Variants in SH2B2 observed in about 807,000 individuals in gnomAD.
SH2B2 encodes the protein SH2B adaptor protein 2.
A neutral mutation model predicts 35.7 loss-of-function variants in SH2B2; 37 were observed. That is an observed-to-expected ratio of 1.04 (90% CI 0.80 to 1.36). SH2B2 has a LOEUF of 1.36. Among genes scored for constraint, SH2B2 ranks in the 40% most tolerant of loss-of-function variants. The pLI is 0.00. For synonymous variants in SH2B2, 383 were observed against 376.4 expected (o/e 1.02, Z -0.20); for missense variants, 852 against 817.7 (o/e 1.04, Z -0.51).
chr7:102,310,829 A>G (rs1182327405), intron 4 of SH2B2, among the ~76,000 whole-genome samples: 2 of 152,164 alleles, frequency 1.3e-5, no homozygotes, highest in African/African-American at 4.8e-5. Flanking sequence ...TCGAGCTGGC[A>G]GGGTCCCAGA....
intron 2 of SH2B2, among the ~76,000 whole-genome samples, chr7:102,305,844 T>C (rs2960266): frequency 0.68 from 102,872 of 150,446 alleles, 35,515 homozygotes; most frequent in African/African-American, 0.8. Context: ...ATTCTGGTTC[T>C]GTCCTGGACT....
intron 1 of SH2B2, among the ~76,000 whole-genome samples, chr7:102,288,667 T>A (rs1222457373): frequency 6.6e-6 from 1 of 152,176 alleles, no homozygotes; most frequent in Non-Finnish European, 1.5e-5. Context: ...CAAGTGATCC[T>A]GGGCCTCCCA....
intron 1 of SH2B2, among the ~76,000 whole-genome samples, chr7:102,296,417 G>A (rs1792916386): frequency 6.6e-6 from 1 of 152,188 alleles, no homozygotes; most frequent in Non-Finnish European, 1.5e-5. Context: ...AAGGATGGTC[G>A]CTTGTCCCCC....
Position 102,321,592 on chromosome 7 carries a change from C to G in SH2B2, c.1861C>G (p.Arg621Gly), listed in dbSNP as rs1563573613. 8.7e-7 allele frequency: 1 copy of G among 1,145,524 alleles called. No individual in the cohort carries two copies. The highest frequency in any genetic ancestry group is 1.1e-6 in the Non-Finnish European group (1 of 933,518). 71.0% of individuals were successfully genotyped at this position (1,145,524 alleles called of 1,614,324 possible). A position where few individuals can be genotyped will look rare whatever the true frequency, so the allele number is the denominator to read the frequency against. ...GGAGCCCCCGGAGGCCGCGCCCGGCCGCGCGCGCGCCGTGGAGAACCAGTA... is the reference window on the plus strand; with the variant it reads ...GGAGCCCCCGGAGGCCGCGCCCGGCGGCGCGCGCGCCGTGGAGAACCAGTA... ...AEEPPEAAPG[R>G]ARAVENQYSF... is the part of the protein sequence containing the mutation. The change falls in exon 9 of 9, where the codon CGC becomes GGC. Residue 621 changes from arginine (R) to glycine (G), a missense_variant. This residue lies in a region of SH2B2 where 556 missense variants were observed against 514.5 expected (regional missense o/e 1.08). Coordinates refer to ENST00000444095, the MANE Select transcript of SH2B2 (RefSeq NM_001359228.2).
intron 1 of SH2B2, among the ~76,000 whole-genome samples, chr7:102,288,463 ATGC>A (rs1554551210): frequency 6.6e-6 from 1 of 152,076 alleles, no homozygotes; most frequent in African/African-American, 2.4e-5. Context: ...CCGGCTTCTG[ATGC>A]TGCTTGGTTG....
At chr7:102,296,117 G>GAC (rs1792904678) in intron 1 of SH2B2, among the ~76,000 whole-genome samples, 1 of 152,184 alleles carries the variant, frequency 6.6e-6, no homozygotes, top group Non-Finnish European at 1.5e-5. Context: ...AGGCTCAGCC[G>GAC]GGAGCCCTGT....
chr7:102,304,816 C>T (rs1462733828), intron 2 of SH2B2, among the ~76,000 whole-genome samples: 1 of 152,264 alleles, frequency 6.6e-6, no homozygotes, highest in Non-Finnish European at 1.5e-5. Context: ...TTAGCCAGGC[C>T]CCGTTCATGC....
Position 102,321,406 on chromosome 7 carries a change from T to G in SH2B2, c.1675T>G (p.Ser559Ala). 1 of 1,360,836 alleles carries G rather than the reference T, an allele frequency of 7.3e-7. No homozygotes were observed. The highest frequency in any genetic ancestry group is 9.5e-7 in the Non-Finnish European group (1 of 1,055,424). The allele number at this position is 1,360,836 out of a possible 1,614,324, so 84.3% of individuals were successfully genotyped here. Residue 559 changes from serine (S) to alanine (A), a missense_variant, in exon 9 of 9, where the codon TCG (serine) becomes GCG (alanine). Physicochemically the swap from Ser to Ala is moderately conservative, Grantham distance 99 (BLOSUM62 1). Transcript: ENST00000444095. Reference protein sequence around the residue: ...SLAAAACPPASPSDAAGASSS... With the variant: ...SLAAAACPPAAPSDAAGASSS... ...CGCCGCGGCCGCCTGCCCGCCTGCC[T>G]CGCCCTCCGACGCCGCCGGCGCCTC...
At chr7:102,316,648 G>A (rs781954679) in intron 6 of SH2B2, among the ~76,000 whole-genome samples, 2 of 151,902 alleles carry the variant, frequency 1.3e-5, no homozygotes, top group Non-Finnish European at 2.9e-5. Context: ...CACTTTGGGA[G>A]GCCAAGGCAG....
At position 102,300,974 on chromosome 7, in the gene SH2B2, C is replaced by G. The variant is rs1554553669; in HGVS notation, c.424C>G (p.Leu142Val). The G allele has an allele frequency of 2.0e-6, 3 of 1,477,388 alleles. No individual in the cohort carries two copies. Among genetic ancestry groups the G allele is most frequent in the Non-Finnish European group, 9.0e-7 (1 of 1,116,372 alleles). The allele number at this position is 1,477,388 out of a possible 1,614,324, so 91.5% of individuals were successfully genotyped here. The change falls in exon 2 of 9, where the codon CTG (leucine) becomes GTG (valine). Residue 142 changes from leucine (L) to valine (V), a missense_variant. This residue lies in a region of SH2B2 where 294 missense variants were observed against 286.6 expected (regional missense o/e 1.03). Transcript: ENST00000444095. ...RKGFSLRNMS[L>V]CVVDGVRDMW... ...GGGCTTCTCGCTGCGCAACATGAGC[C>G]TGTGCGTGGTGGACGGCGTGCGCGA... is the stretch of plus-strand genomic sequence containing the variant.
At chr7:102,315,045 T>C (rs928547091) in intron 6 of SH2B2, among the ~76,000 whole-genome samples, 2 of 151,966 alleles carry the variant, frequency 1.3e-5, no homozygotes, top group African/African-American at 2.4e-5. Context: ...AAAAATTAGC[T>C]GGGTGTGGTG....
chr7:102,300,583 C>T lies in SH2B2; in HGVS notation c.33C>T (p.Ala11=). The change falls in exon 2 of 9, where the codon GCC becomes GCT. Residue 11 remains alanine, a synonymous_variant. Coordinates refer to ENST00000444095, the MANE Select transcript of SH2B2 (RefSeq NM_001359228.2). ...GTGCCGGCCCTGGCCCCGCCGCAGC[C>T]GCCCCGGTCCCAGTCCCGGTCCCGG... MNGAGPGPAA[A]APVPVPVPVP... 3.9e-6 allele frequency: 6 copies of T among 1,549,754 alleles called. No individual in the cohort carries two copies. Among genetic ancestry groups the T allele is most frequent in the Non-Finnish European group, 5.2e-6 (6 of 1,146,470 alleles).
intron 8 of SH2B2, 121 bp downstream of exon 8, chr7:102,320,623 C>G: frequency 7.7e-7 from 1 of 1,295,824 alleles, no homozygotes; most frequent in Non-Finnish European, 1.0e-6. Flanking sequence ...TCAGCCGTGT[C>G]CCTCCCACCC....
At chr7:102,315,622 G>C (rs1554556810) in intron 6 of SH2B2, among the ~76,000 whole-genome samples, 1 of 151,582 alleles carries the variant, frequency 6.6e-6, no homozygotes, top group African/African-American at 2.4e-5. Context: ...TGTGCCTGTA[G>C]TCCCAGCTAC....
intron 1 of SH2B2, 77 bp from the exon 2 acceptor site, chr7:102,300,445 G>A: frequency 6.9e-7 from 1 of 1,450,232 alleles, no homozygotes; most frequent in South Asian, 1.4e-5. Context: ...GAGAGTCCTA[G>A]GGGAGCTGGA....
intron 3 of SH2B2, among the ~76,000 whole-genome samples, chr7:102,307,604 C>T (rs1793454123): frequency 6.6e-6 from 1 of 152,084 alleles, no homozygotes; most frequent in African/African-American, 2.4e-5. Context: ...GACACAGCCC[C>T]TGCCCACCTG....
chr7:102,317,441 G>A (rs782774662), intron 7 of SH2B2, 46 bp downstream of exon 7: 61 of 1,484,502 alleles, frequency 4.1e-5, no homozygotes, highest in Middle Eastern at 2.1e-4. Context: ...CCAGCCCTGA[G>A]GGAGAGGGGT....
rs373360709 is a variant in SH2B2 at position 102,317,271 on chromosome 7, G to C, written c.1271G>C (p.Arg424Pro). 1 of 1,613,548 alleles carries C rather than the reference G, an allele frequency of 6.2e-7. No homozygotes were observed. Among genetic ancestry groups the C allele is most frequent in the South Asian group, 1.1e-5 (1 of 91,036 alleles). The part of the protein sequence containing the change: ...DYPWFHGTLS[R>P]VKAAQLVLAG... ...CCATGGTTCCACGGGACACTGTCCC[G>C]GGTCAAGGCTGCTCAACTGGTTCTG... The change falls in exon 7 of 9, where the codon CGG becomes CCG. Residue 424 changes from arginine (R) to proline (P), a missense_variant. Transcript: ENST00000444095.
upstream of SH2B2, chr7:102,285,346 T>C: frequency 1.1e-6 from 1 of 943,760 alleles, no homozygotes; most frequent in Non-Finnish European, 1.7e-6. Flanking sequence ...TTTCTCCCAC[T>C]CTCGGGCACC....
Sources: gnomAD v4.1 joint callset for allele counts (sites outside exome capture counted in the v4.1 genomes callset) on GRCh38, gnomAD v4.1.1 for gene constraint, gnomAD v4.1.1 regional missense constraint, MANE v1.5 for transcripts, NCBI Gene and HGNC (gene_info 2026-07-23, HGNC 2026-07-21) for gene names.